Variants in NXPH1 observed in about 807,000 individuals in gnomAD.
The protein encoded by NXPH1 is neurexophilin 1.
A neutral mutation model predicts 23.7 loss-of-function variants in NXPH1; 5 were observed. That is an observed-to-expected ratio of 0.21 (90% CI 0.11 to 0.44). The LOEUF (loss-of-function observed/expected upper bound fraction) is 0.44, where lower values mean the gene tolerates loss of function less well. Among genes scored for constraint, NXPH1 ranks in the 20% least tolerant of loss-of-function variants. The pLI, the probability that NXPH1 is intolerant of heterozygous loss-of-function variation, is 0.99. For synonymous variants in NXPH1, 144 were observed against 122.2 expected (o/e 1.18, Z -1.18); for missense variants, 324 against 321.6 (o/e 1.01, Z -0.06).
intron 2 of NXPH1, among the ~76,000 whole-genome samples, chr7:8,494,422 G>C (rs1817301757): frequency 6.6e-6 from 1 of 151,870 alleles, no homozygotes; most frequent in Admixed American, 6.6e-5. Context: ...AGTTAACTTA[G>C]TTTTTCTGCA....
At chr7:8,634,150 GT>G (rs1820177629) in intron 2 of NXPH1, among the ~76,000 whole-genome samples, 2 of 152,072 alleles carry the variant, frequency 1.3e-5, no homozygotes. Flanking sequence ...ATCTTGAACT[GT>G]AGCTCCCATA....
chr7:8,698,316 T>A (rs1364124942), intron 2 of NXPH1, among the ~76,000 whole-genome samples: 1 of 152,130 alleles, frequency 6.6e-6, no homozygotes, highest in Non-Finnish European at 1.5e-5. Context: ...GTACACTAAG[T>A]TTTTCAGGAA....
At chr7:8,714,196 G>A (rs563489682) in intron 2 of NXPH1, among the ~76,000 whole-genome samples, 2 of 152,022 alleles carry the variant, frequency 1.3e-5, no homozygotes, top group South Asian at 2.1e-4. Context: ...TGGGAGAGGA[G>A]CCTCTTCCTG....
At chr7:8,642,874 TA>T (rs113236250) in intron 2 of NXPH1, among the ~76,000 whole-genome samples, 7,181 of 152,054 alleles carry the variant, frequency 0.047, 376 homozygotes, top group East Asian at 0.17. Context: ...TTTCTTTTCT[TA>T]TTTTTTTGAA....
chr7:8,732,889 A>G (rs984991384), intron 2 of NXPH1, among the ~76,000 whole-genome samples: 1 of 152,170 alleles, frequency 6.6e-6, no homozygotes, highest in South Asian at 2.1e-4. Context: ...ATTTTTAAAA[A>G]AATTTTACTT....
At position 8,673,870 on chromosome 7, in the gene NXPH1, T is replaced by C. The variant is rs182449530; in HGVS notation, c.55-77138T>C. 3.8e-4 allele frequency among the ~76,000 whole-genome samples: 58 copies of C among 152,126 alleles called. No individual in the cohort carries two copies. The East Asian group carries it at 9.8e-3, about 26-fold the overall frequency. On this transcript the variant is annotated intron_variant, in intron 2 of 2. Coordinates refer to ENST00000405863, the MANE Select transcript of NXPH1 (RefSeq NM_152745.3). ...TTTTATGGCTAACATGGATTGAGCA[T>C]TGAATATCTTCACAGACTAGAAGAA...
intron 2 of NXPH1, among the ~76,000 whole-genome samples, chr7:8,739,280 G>C (rs998530596): frequency 6.6e-6 from 1 of 150,972 alleles, no homozygotes; most frequent in East Asian, 2.0e-4. Context: ...GGTGGTATAG[G>C]CACCCGAGGG....
At chr7:8,453,203 T>A (rs1816536931) in intron 2 of NXPH1, among the ~76,000 whole-genome samples, 1 of 152,060 alleles carries the variant, frequency 6.6e-6, no homozygotes, top group Non-Finnish European at 1.5e-5. Context: ...GTATTTGTAT[T>A]TATACTGTAT....
chr7:8,606,313 T>C (rs1260769571), intron 2 of NXPH1, among the ~76,000 whole-genome samples: 1 of 152,136 alleles, frequency 6.6e-6, no homozygotes, highest in Non-Finnish European at 1.5e-5. Flanking sequence ...TCTTCTCCTT[T>C]TCCCCACCCT....
chr7:8,661,202 G>A (rs1820664615), intron 2 of NXPH1, among the ~76,000 whole-genome samples: 1 of 152,100 alleles, frequency 6.6e-6, no homozygotes, highest in Admixed American at 6.6e-5. Flanking sequence ...AAATGCATTT[G>A]AAACTTTTTG....
At chr7:8,679,787 C>T (rs533853767) in intron 2 of NXPH1, among the ~76,000 whole-genome samples, 51 of 152,288 alleles carry the variant, frequency 3.3e-4, no homozygotes, top group African/African-American at 1.1e-3. Flanking sequence ...CTTTGGGAGG[C>T]CAAGGTGGGC....
intron 2 of NXPH1, among the ~76,000 whole-genome samples, chr7:8,700,631 A>C (rs879325402): frequency 1.3e-5 from 2 of 152,120 alleles, no homozygotes; most frequent in Non-Finnish European, 2.9e-5. Flanking sequence ...CTTTTTTATT[A>C]TATTTGCCTT....
At chr7:8,616,826 G>C (rs1819750043) in intron 2 of NXPH1, among the ~76,000 whole-genome samples, 1 of 150,582 alleles carries the variant, frequency 6.6e-6, no homozygotes, top group South Asian at 2.1e-4. Context: ...GTTGAGATGG[G>C]GTTGAAGGAC....
chr7:8,575,025 A>G (rs1818725706), intron 2 of NXPH1, among the ~76,000 whole-genome samples: 1 of 152,162 alleles, frequency 6.6e-6, no homozygotes, highest in Admixed American at 6.5e-5. Context: ...CGTTCTGTTA[A>G]ATCTAAAATG....
intron 2 of NXPH1, among the ~76,000 whole-genome samples, chr7:8,512,412 T>C (rs1333293852): frequency 1.3e-5 from 2 of 152,096 alleles, no homozygotes; most frequent in Non-Finnish European, 2.9e-5. Context: ...GAACTTACCT[T>C]AAGGAAGTGA....
intron 2 of NXPH1, among the ~76,000 whole-genome samples, chr7:8,485,979 C>A (rs1817152820): frequency 6.6e-6 from 1 of 152,144 alleles, no homozygotes; most frequent in Non-Finnish European, 1.5e-5. Context: ...TTTCAACTTA[C>A]CTGGTGTTCC....
chr7:8,589,778 T>C (rs1017142957), intron 2 of NXPH1, among the ~76,000 whole-genome samples: 1 of 152,070 alleles, frequency 6.6e-6, no homozygotes, highest in African/African-American at 2.4e-5. Flanking sequence ...AGGTCTACAG[T>C]TGTAGCTGCA....
At chr7:8,436,937 T>G (rs1003932975) in intron 2 of NXPH1, among the ~76,000 whole-genome samples, 2 of 152,140 alleles carry the variant, frequency 1.3e-5, no homozygotes, top group African/African-American at 4.8e-5. Flanking sequence ...AAGCTGCGAG[T>G]TGTGTGAATT....
In NXPH1 at chr7:8,435,724, C is replaced by T. The variant is rs370557744; in HGVS notation, c.11C>T (p.Ala4Val). Residue 4 changes from alanine to valine, a missense_variant, in exon 2 of 3, where the codon GCG (alanine) becomes GTG (valine). By Grantham distance (64) the Ala-to-Val change is moderately conservative. Transcript: ENST00000405863. This position sits in a 1 kb window ranked among gnomAD's most constrained non-coding sequence, Gnocchi z 5.9. ...TTGAGACGCGGGAGAATGCAGGCTG[C>T]GTGCTGGTACGTGCTTTTCCTCCTG... MQA[A>V]CWYVLFLLQP... The T allele has an allele frequency of 9.9e-6, 16 of 1,613,796 alleles. No homozygotes were observed. The highest frequency in any genetic ancestry group is 1.1e-5 in the Non-Finnish European group (13 of 1,179,850).
Sources: allele counts gnomAD v4.1 joint callset (sites outside exome capture counted in the v4.1 genomes callset), GRCh38; gene constraint gnomAD v4.1.1; non-coding constraint Gnocchi (gnomAD v3.1); transcripts MANE v1.5; gene names NCBI Gene and HGNC (gene_info 2026-07-23, HGNC 2026-07-21).